PIK3C2B: variants seen among roughly 807,000 people sequenced by gnomAD.
PIK3C2B encodes phosphatidylinositol 4-phosphate 3-kinase C2 domain-containing subunit beta.
A neutral mutation model predicts 184.3 loss-of-function variants in PIK3C2B; 83 were observed. The ratio of observed to expected loss-of-function variants is 0.45; its 90% CI spans 0.38 to 0.54. The LOEUF is 0.54. PIK3C2B is among the 20% of genes least tolerant of loss of function. The pLI, the probability that PIK3C2B is intolerant of heterozygous loss-of-function variation, is 0.00. For synonymous variants in PIK3C2B, 779 were observed against 837.6 expected, an observed-to-expected ratio of 0.93 and a Z score of 1.21; for missense variants, 1,736 against 2,113.5, an observed-to-expected ratio of 0.82 and a Z score of 3.50.
At chr1:204,457,610 G>A (rs898118622) in intron 9 of PIK3C2B, 118 bp downstream of exon 9, 1 of 913,302 alleles carries the variant, frequency 1.1e-6, no homozygotes, top group Non-Finnish European at 1.6e-6. Flanking sequence ...AAAAGATGGA[G>A]GTGGAGAGAA....
intron 29 of PIK3C2B, 34 bp from the exon 30 acceptor site, chr1:204,428,254 A>G (rs375921104): frequency 2.0e-5 from 26 of 1,317,522 alleles, no homozygotes; most frequent in Admixed American, 5.1e-5. Flanking sequence ...CCATTCTTCA[A>G]TAAGACAATG....
At chr1:204,439,331 A>C (rs1359084744) in intron 22 of PIK3C2B, among the ~76,000 whole-genome samples, 1 of 152,150 alleles carries the variant, frequency 6.6e-6, no homozygotes, top group Admixed American at 6.6e-5. Flanking sequence ...GAATTTGAAA[A>C]TATATATAAG....
rs149775572 is a variant in PIK3C2B at position 204,493,745 on chromosome 1, A to G, written c.-85+611T>C. Among the ~76,000 whole-genome samples, 438 of 152,294 alleles carry G rather than the reference A, an allele frequency of 2.9e-3. 1 individual carries two copies. The highest frequency in any genetic ancestry group is 0.012 in the South Asian group (59 of 4,828). On this transcript the variant is annotated intron_variant, in intron 1 of 32. Coordinates refer to ENST00000684373, the MANE Select transcript of PIK3C2B (RefSeq NM_001377334.1). ...AAGTCACCGCTGTCGGGAGCTGAAA[A>G]TGAGGGACAAGTATAGGCCAGGAGA...
At position 204,429,932 on chromosome 1, in the gene PIK3C2B, C is replaced by A; in HGVS notation, c.4387G>T (p.Glu1463Ter). Residue 1463 changes from glutamate to a stop codon, truncating the protein, a stop_gained, in exon 29 of 33, where the codon GAG becomes TAG. Transcript: ENST00000684373. LOFTEE classifies it high-confidence loss of function. ...GCAAGCCCACCCACCTCGGCCACCTCAGGGGGTGCGTGGATCAAGTGCCAG... is the reference window on the plus strand; with the variant it reads ...GCAAGCCCACCCACCTCGGCCACCTAAGGGGGTGCGTGGATCAAGTGCCAG... ...YIWHLIHAPP[E>*]VAECDLVYTF... 3 of 1,608,838 alleles carry A rather than the reference C, an allele frequency of 1.9e-6. No homozygotes were observed. Among genetic ancestry groups the A allele is most frequent in the Non-Finnish European group, 2.6e-6 (3 of 1,176,340 alleles).
In PIK3C2B at chr1:204,429,982, C is replaced by G; in HGVS notation, c.4337G>C (p.Arg1446Pro). The part of the protein sequence containing the change: ...RSRGEAVAER[R>P]REELNGYIWH... Reference sequence around the variant, plus strand: ...GATGTAACCGTTTAGCTCCTCCCTCCGCCGCTCGGCCACCGCCTCTCCCCG... The same window carrying G: ...GATGTAACCGTTTAGCTCCTCCCTCGGCCGCTCGGCCACCGCCTCTCCCCG... Residue 1446 changes from arginine to proline, a missense_variant, in exon 29 of 33, where the codon CGG (arginine) becomes CCG (proline). Around this residue, in one of 8 missense-constraint regions of PIK3C2B, gnomAD observed 200 missense variants for 199.1 expected, o/e 1.00. Coordinates refer to ENST00000684373, the MANE Select transcript of PIK3C2B (RefSeq NM_001377334.1). 1 of 1,612,314 alleles carries G rather than the reference C, an allele frequency of 6.2e-7. No homozygotes were observed. Among genetic ancestry groups the G allele is most frequent in the Non-Finnish European group, 8.5e-7 (1 of 1,179,984 alleles).
At chr1:204,457,905 G>A (rs566726927) in intron 8 of PIK3C2B, 31 bp from the exon 9 acceptor site, 1 of 1,604,990 alleles carries the variant, frequency 6.2e-7, no homozygotes, top group South Asian at 1.1e-5. Context: ...AGGCTGGCAG[G>A]CTCTGCTCTC....
rs1469047032 is a variant in PIK3C2B at position 204,433,522 on chromosome 1, C to T, written c.3844-97G>A. The T allele has an allele frequency of 3.6e-6, 3 of 827,336 alleles. No homozygotes were observed. Among genetic ancestry groups the T allele is most frequent in the African/African-American group, 3.4e-5 (2 of 59,080 alleles). The allele number at this position is 827,336 out of a possible 1,614,324, so 51.2% of individuals were successfully genotyped here. A position where few individuals can be genotyped will look rare whatever the true frequency, so the allele number is the denominator to read the frequency against. On this transcript the variant is annotated intron_variant, in intron 25 of 32. Coordinates refer to ENST00000684373, the MANE Select transcript of PIK3C2B (RefSeq NM_001377334.1). This position sits in a 1 kb window ranked among gnomAD's most constrained non-coding sequence, Gnocchi z 5.0. ...GGCAAGGTTTTCTACAGCTAGGCTC[C>T]CTAACCCTTCTAGAGGGTGGTAGAC...
chr1:204,483,598 G>A (rs1024934716), intron 1 of PIK3C2B, among the ~76,000 whole-genome samples: 3 of 152,134 alleles, frequency 2.0e-5, no homozygotes, highest in Admixed American at 2.0e-4. Context: ...AATGGTTATG[G>A]GTCATGAAGA....
chr1:204,463,137 C>A (rs1160437669), intron 5 of PIK3C2B, among the ~76,000 whole-genome samples: 1 of 152,184 alleles, frequency 6.6e-6, no homozygotes, highest in Non-Finnish European at 1.5e-5. Context: ...GATCAACCAT[C>A]CTTGCATCTA....
At chr1:204,443,274 C>A (rs12080511) in intron 19 of PIK3C2B, 143 bp downstream of exon 19, 3 of 686,274 alleles carry the variant, frequency 4.4e-6, no homozygotes, top group Non-Finnish European at 7.3e-6. Context: ...TGCCTGTTTA[C>A]GGCCTAGTTT....
Position 204,469,532 on chromosome 1 carries a change from G to T in PIK3C2B, c.271C>A (p.Leu91Ile). Residue 91 changes from leucine to isoleucine, a missense_variant, in exon 2 of 33, where the codon CTT (leucine) becomes ATT (isoleucine). By Grantham distance (5) the Leu-to-Ile change is conservative. Around this residue, in one of 8 missense-constraint regions of PIK3C2B, gnomAD observed 404 missense variants for 418.0 expected, o/e 0.97. Transcript: ENST00000684373. ...TGTGGGGAGAGTGAGTTGTAGTTAA[G>T]GGTAGGATCAGAGCCAGAGAGACCG... ...LRGLSGSDPT[L>I]NYNSLSPQEG... The T allele has an allele frequency of 6.2e-7, 1 of 1,602,600 alleles. No individual in the cohort carries two copies.
Position 204,445,975 on chromosome 1 carries a change from G to C in PIK3C2B, c.2659C>G (p.Leu887Val). The change falls in exon 16 of 33, where the codon CTG (leucine) becomes GTG (valine). Residue 887 changes from leucine to valine, a missense_variant. Physicochemically the swap from Leu to Val is conservative, Grantham distance 32 (BLOSUM62 1). Transcript: ENST00000684373. ...ACTCACGTGGCATGCAGGAGCCCCA[G>C]GGCATCCTGGTGGTTCATGTGGGTC... The part of the protein sequence containing the change: ...QWTHMNHQDA[L>V]GLLHATFPDQ... 1 of 1,548,642 alleles carries C rather than the reference G, an allele frequency of 6.5e-7. No homozygotes were observed. The highest frequency in any genetic ancestry group is 8.8e-7 in the Non-Finnish European group (1 of 1,141,242).
At chr1:204,429,432 C>CT (rs1169896340) in intron 29 of PIK3C2B, among the ~76,000 whole-genome samples, 1 of 152,090 alleles carries the variant, frequency 6.6e-6, no homozygotes, top group African/African-American at 2.4e-5. Flanking sequence ...TATACTTAAG[C>CT]TATAACCACT....
chr1:204,466,757 CA>C, intron 2 of PIK3C2B: 1 of 481,446 alleles, frequency 2.1e-6, no homozygotes, highest in Non-Finnish European at 4.2e-6. Flanking sequence ...CATAAGAAAA[CA>C]AAAGCCACTT....
At position 204,465,399 on chromosome 1, in the gene PIK3C2B, A is replaced by T. The variant is rs556467567; in HGVS notation, c.934-80T>A. On this transcript the variant is annotated intron_variant, in intron 2 of 32. Transcript: ENST00000684373. ...TATGAGGTACTCCAGACCTAAACTCAAACTCTAGATGAAAAGACTTTCTAG... is the reference window on the plus strand; with the variant it reads ...TATGAGGTACTCCAGACCTAAACTCTAACTCTAGATGAAAAGACTTTCTAG... The T allele has an allele frequency of 1.8e-4, 149 of 833,672 alleles. No homozygotes were observed. In the African/African-American group the frequency reaches 2.2e-3, roughly 12 times the overall value. The allele number at this position is 833,672 out of a possible 1,614,324, so 51.6% of individuals were successfully genotyped here.
rs1191734430 is a variant in PIK3C2B, at chr1:204,446,073, G to A, written c.2561C>T (p.Pro854Leu). The change falls in exon 16 of 33, where the codon CCC (proline) becomes CTC (leucine). Residue 854 changes from proline (P) to leucine (L), a missense_variant. This residue lies in a region of PIK3C2B where 609 missense variants were observed against 699.2 expected (regional missense o/e 0.87). Transcript: ENST00000684373. Reference protein sequence around the residue: ...YYCHSEVSSLPLVLASAPSWE... With the variant: ...YYCHSEVSSLLLVLASAPSWE... The stretch of plus-strand genomic sequence containing the variant: ...GCTGGGGGCGCTGGCGAGCACCAGG[G>A]GGAGCGAGCTCACCTCCGAGTGGCA... 2 of 1,599,446 alleles carry A rather than the reference G, an allele frequency of 1.3e-6. No homozygotes were observed. The highest frequency in any genetic ancestry group is 1.7e-6 in the Non-Finnish European group (2 of 1,170,488).
At chr1:204,431,910 A>C (rs1675083925) in intron 27 of PIK3C2B, 117 bp from the exon 28 acceptor site, 1 of 1,135,858 alleles carries the variant, frequency 8.8e-7, no homozygotes, top group East Asian at 2.3e-5. Flanking sequence ...TCCAGAAGGA[A>C]GAGAGCAAGA....
intron 1 of PIK3C2B, among the ~76,000 whole-genome samples, chr1:204,476,374 C>G (rs1350711547): frequency 1.3e-5 from 2 of 151,982 alleles, no homozygotes; most frequent in Non-Finnish European, 2.9e-5. Flanking sequence ...GGTTCAAGAC[C>G]ATCCCTATGG....
At chr1:204,461,049 G>A (rs1655298614) in intron 5 of PIK3C2B, among the ~76,000 whole-genome samples, 1 of 152,118 alleles carries the variant, frequency 6.6e-6, no homozygotes, top group South Asian at 2.1e-4. Flanking sequence ...CAACCAGGAA[G>A]AGACATGTTG....
Sources: allele counts gnomAD v4.1 joint callset (sites outside exome capture counted in the v4.1 genomes callset), GRCh38; gene constraint gnomAD v4.1.1; regional missense constraint gnomAD v4.1.1; non-coding constraint Gnocchi (gnomAD v3.1); transcripts MANE v1.5; gene names NCBI Gene and HGNC (gene_info 2026-07-23, HGNC 2026-07-21).